Variants in STAU2 observed in about 807,000 individuals in gnomAD.
STAU2 encodes the protein staufen double-stranded RNA binding protein 2, also known as double-stranded RNA-binding protein Staufen homolog 2.
In STAU2, 20 loss-of-function variants were observed where a neutral mutation model predicts 65.9. The observed-to-expected ratio is 0.30, with a 90% confidence interval of 0.21 to 0.44. The LOEUF (loss-of-function observed/expected upper bound fraction) is 0.44. STAU2 is among the 20% of genes least tolerant of loss of function. The pLI, the probability that STAU2 is intolerant of heterozygous loss-of-function variation, is 1.00. For synonymous variants in STAU2, 232 were observed against 233.9 expected (o/e 0.99, Z 0.07); for missense variants, 558 against 683.9 (o/e 0.82, Z 2.05).
chr8:73,727,604 C>T (rs2130735458), intron 3 of STAU2, among the ~76,000 whole-genome samples: 1 of 152,350 alleles, frequency 6.6e-6, no homozygotes, highest in African/African-American at 2.4e-5. Flanking sequence ...AATTTGTTTA[C>T]TCATTCATCC....
intron 6 of STAU2, among the ~76,000 whole-genome samples, chr8:73,634,508 C>T (rs1166782046): frequency 6.6e-6 from 1 of 152,128 alleles, no homozygotes; most frequent in Non-Finnish European, 1.5e-5. Context: ...AGCCTGGCAA[C>T]AGAGTGAGAC....
intron 1 of STAU2, among the ~76,000 whole-genome samples, 200 bp downstream of exon 1, chr8:73,746,583 C>A (rs909371441): frequency 2.0e-5 from 3 of 152,116 alleles, no homozygotes; most frequent in Admixed American, 6.5e-5. Flanking sequence ...CCTCCCTCCC[C>A]CGCCGGTCTC....
At chr8:73,668,098 G>A (rs569984458) in intron 6 of STAU2, among the ~76,000 whole-genome samples, 1 of 151,984 alleles carries the variant, frequency 6.6e-6, no homozygotes, top group Non-Finnish European at 1.5e-5. Context: ...ATTCCAGGAT[G>A]GACAGTTTAC....
intron 13 of STAU2, among the ~76,000 whole-genome samples, chr8:73,513,821 G>T (rs190711500): frequency 1.3e-5 from 2 of 152,186 alleles, no homozygotes; most frequent in Non-Finnish European, 2.9e-5. Flanking sequence ...ATCAAGGAAG[G>T]CCACTCCATC....
intron 5 of STAU2, among the ~76,000 whole-genome samples, chr8:73,686,515 A>G (rs1025055320): frequency 7.3e-5 from 11 of 149,826 alleles, no homozygotes; most frequent in African/African-American, 2.7e-4. Flanking sequence ...GCACCACTGC[A>G]CTCCAGCCTG....
At position 73,595,149 on chromosome 8, in the gene STAU2, G is replaced by T; in HGVS notation, c.1161+17C>A. On this transcript the variant is annotated intron_variant, in intron 11 of 14. Coordinates refer to ENST00000524300, the MANE Select transcript of STAU2 (RefSeq NM_001164380.2). ...ATTATGACAGATAGGATACATACAT[G>T]TAAACTTAACTCTTACCTTCTCAAG... The T allele has an allele frequency of 6.3e-7, 1 of 1,586,594 alleles. No homozygotes were observed. Among genetic ancestry groups the T allele is most frequent in the Non-Finnish European group, 8.6e-7 (1 of 1,168,638 alleles).
chr8:73,485,693 G>A (rs954149336), intron 13 of STAU2, among the ~76,000 whole-genome samples: 3 of 151,996 alleles, frequency 2.0e-5, no homozygotes, highest in African/African-American at 7.2e-5. Context: ...AATATTAGCC[G>A]GGCATGAGCA....
intron 3 of STAU2, among the ~76,000 whole-genome samples, chr8:73,736,916 G>A (rs1431294324): frequency 6.6e-6 from 1 of 152,240 alleles, no homozygotes; most frequent in East Asian, 1.9e-4. Flanking sequence ...CCAGGCTGGA[G>A]TGCAGTGGTG....
chr8:73,593,295 T>A (rs891289110), intron 11 of STAU2, among the ~76,000 whole-genome samples: 8 of 152,200 alleles, frequency 5.3e-5, no homozygotes, highest in Non-Finnish European at 1.2e-4. Flanking sequence ...CACATTCATG[T>A]TCAAATCTTA....
At chr8:73,432,039 C>T (rs12550046) in intron 13 of STAU2, among the ~76,000 whole-genome samples, 52,126 of 152,078 alleles carry the variant, frequency 0.34, 9,537 homozygotes, top group Non-Finnish European at 0.41. Context: ...TTTATTTTGT[C>T]TTTTTCCATT....
At chr8:73,628,398 C>T (rs1813846404) in intron 6 of STAU2, among the ~76,000 whole-genome samples, 1 of 152,146 alleles carries the variant, frequency 6.6e-6, no homozygotes, top group Non-Finnish European at 1.5e-5. Context: ...TATATATTCA[C>T]TAAATACTGC....
chr8:73,707,117 T>A (rs560429979), intron 4 of STAU2, among the ~76,000 whole-genome samples: 6 of 152,046 alleles, frequency 3.9e-5, no homozygotes, highest in African/African-American at 1.4e-4. Context: ...GTGAAACAGG[T>A]TGGGATCCAG....
intron 12 of STAU2, among the ~76,000 whole-genome samples, chr8:73,569,961 C>T (rs552680075): frequency 3.9e-5 from 6 of 152,282 alleles, no homozygotes; most frequent in South Asian, 4.1e-4. Context: ...GGATGGAGAA[C>T]GACTTCTACA....
intron 3 of STAU2, among the ~76,000 whole-genome samples, chr8:73,732,400 A>G (rs1365221926): frequency 6.6e-6 from 1 of 152,178 alleles, no homozygotes; most frequent in African/African-American, 2.4e-5. Flanking sequence ...ACCTCAATAC[A>G]GTGTGTATGG....
chr8:73,560,580 T>C (rs923324636), intron 12 of STAU2, among the ~76,000 whole-genome samples: 4 of 152,206 alleles, frequency 2.6e-5, no homozygotes, highest in African/African-American at 7.2e-5. Context: ...ATAAAATTAC[T>C]GACAAAGAAC....
intron 13 of STAU2, among the ~76,000 whole-genome samples, chr8:73,434,198 G>A (rs1399663548): frequency 2.6e-5 from 4 of 151,338 alleles, no homozygotes; most frequent in African/African-American, 9.8e-5. Context: ...GAGGAAGAGG[G>A]CTTTCAGCTT....
intron 13 of STAU2, among the ~76,000 whole-genome samples, chr8:73,484,582 A>G (rs1225292530): frequency 6.6e-6 from 1 of 152,098 alleles, no homozygotes; most frequent in Non-Finnish European, 1.5e-5. Context: ...TATTACTTAC[A>G]ATAAAAGGAT....
chr8:73,568,516 TC>T (rs1808790986), intron 12 of STAU2, among the ~76,000 whole-genome samples: 1 of 151,950 alleles, frequency 6.6e-6, no homozygotes, highest in Non-Finnish European at 1.5e-5. Context: ...GGCAAGAGGA[TC>T]CCTTGAGCCC....
chr8:73,436,568 T>TTTTTTTTA (rs140061730), intron 13 of STAU2, among the ~76,000 whole-genome samples: 2 of 141,416 alleles, frequency 1.4e-5, no homozygotes, highest in East Asian at 4.1e-4. Flanking sequence ...TTTGCCAATT[T>TTTTTTTTA]TTTATTTATT....
Sources: allele counts gnomAD v4.1 joint callset (sites outside exome capture counted in the v4.1 genomes callset), GRCh38; gene constraint gnomAD v4.1.1; transcripts MANE v1.5; gene names NCBI Gene and HGNC (gene_info 2026-07-23, HGNC 2026-07-21).